Variants in AGAP1 observed in about 807,000 individuals in gnomAD.
The protein encoded by AGAP1 is arf-GAP with GTPase, ANK repeat and PH domain-containing protein 1.
A neutral mutation model predicts 105.3 loss-of-function variants in AGAP1; 29 were observed. The ratio of observed to expected loss-of-function variants is 0.28; its 90% CI spans 0.21 to 0.38. The LOEUF (loss-of-function observed/expected upper bound fraction) is 0.38, where lower values mean the gene tolerates loss of function less well. AGAP1 is among the 10% of genes least tolerant of loss of function. AGAP1 has a pLI of 1.00. For synonymous variants in AGAP1, 509 were observed against 485.9 expected (o/e 1.05, Z -0.63); for missense variants, 998 against 1,165.1 (o/e 0.86, Z 2.09).
Position 235,993,056 on chromosome 2 carries a change from C to G in AGAP1, c.1645+24433C>G, listed in dbSNP as rs2055641170. ...ACCAGTTTAAGACATGGACTTTTTT[C>G]ATATGTACATCTGAAAATGACTTTA... On this transcript the variant is annotated intron_variant, in intron 13 of 17. Transcript: ENST00000304032. The surrounding 1 kb of genome is among the most constrained non-coding windows in gnomAD (Gnocchi z 5.0). Among the ~76,000 whole-genome samples, 1 of 152,150 alleles carries G rather than the reference C, an allele frequency of 6.6e-6. No homozygotes were observed. Among genetic ancestry groups the G allele is most frequent in the Non-Finnish European group, 1.5e-5 (1 of 68,022 alleles).
chr2:235,569,851 A>G lies in AGAP1; in HGVS notation c.163+75002A>G, dbSNP rs1031106004. Among the ~76,000 whole-genome samples, 5 of 152,148 alleles carry G rather than the reference A, an allele frequency of 3.3e-5. No individual in the cohort carries two copies. Among genetic ancestry groups the G allele is most frequent in the South Asian group, 2.1e-4 (1 of 4,824 alleles). On this transcript the variant is annotated intron_variant, in intron 1 of 17. Coordinates refer to ENST00000304032, the MANE Select transcript of AGAP1 (RefSeq NM_001037131.3). The surrounding 1 kb of genome is among the most constrained non-coding windows in gnomAD (Gnocchi z 5.9). ...CAATCAGTAGCTGAAAGTGGATGCT[A>G]TTGTTTTTCCGATTGCTGGTCTCTT...
chr2:235,793,024 G>A lies in AGAP1; in HGVS notation c.674-4735G>A. Among the ~76,000 whole-genome samples, 1 of 152,172 alleles carries A rather than the reference G, an allele frequency of 6.6e-6. No homozygotes were observed. Among genetic ancestry groups the A allele is most frequent in the Non-Finnish European group, 1.5e-5 (1 of 68,032 alleles). ...GGGAGGATGAGAAAGAGAAGTTCCA[G>A]CCGGAGGAGGAAAACCAGGGACGTC... On this transcript the variant is annotated intron_variant, in intron 6 of 17. Coordinates refer to ENST00000304032, the MANE Select transcript of AGAP1 (RefSeq NM_001037131.3). This position sits in a 1 kb window ranked among gnomAD's most constrained non-coding sequence, Gnocchi z 5.3.
In AGAP1 at chr2:235,737,612, A is replaced by C. The variant is rs1240425537; in HGVS notation, c.311-3351A>C. The stretch of plus-strand genomic sequence containing the variant: ...GAACGTGACTCTGCAAAAACATGTT[A>C]GAGGAAGCAAAGGAGAGGATGGACG... On this transcript the variant is annotated intron_variant, in intron 3 of 17. Coordinates refer to ENST00000304032, the MANE Select transcript of AGAP1 (RefSeq NM_001037131.3). The surrounding 1 kb of genome is among the most constrained non-coding windows in gnomAD (Gnocchi z 4.5). Among the ~76,000 whole-genome samples the C allele has an allele frequency of 3.3e-5, 5 of 152,204 alleles. No homozygotes were observed. Among genetic ancestry groups the C allele is most frequent in the Non-Finnish European group, 7.3e-5 (5 of 68,040 alleles).
chr2:236,110,619 T>C (rs1163558149), intron 16 of AGAP1, among the ~76,000 whole-genome samples: 1 of 152,158 alleles, frequency 6.6e-6, no homozygotes, highest in East Asian at 1.9e-4. Flanking sequence ...TTGATAAGCA[T>C]TGGCTGTGAA....
In AGAP1 at chr2:235,631,090, G is replaced by A. The variant is rs141007950; in HGVS notation, c.164-78089G>A. On this transcript the variant is annotated intron_variant, in intron 1 of 17. Transcript: ENST00000304032. The surrounding 1 kb of genome is among the most constrained non-coding windows in gnomAD (Gnocchi z 5.4). ...CAGTCTAGCTCCTTCATATGCAAAT[G>A]CACTGGTAATGCCTGGATACCAGGG... Among the ~76,000 whole-genome samples the A allele has an allele frequency of 1.3e-5, 2 of 152,290 alleles. No homozygotes were observed. The highest frequency in any genetic ancestry group is 1.9e-4 in the East Asian group (1 of 5,172).
At chr2:235,969,754 A>G (rs944802010) in intron 13 of AGAP1, among the ~76,000 whole-genome samples, 2 of 152,172 alleles carry the variant, frequency 1.3e-5, no homozygotes, top group Non-Finnish European at 2.9e-5. Context: ...CACCGGAGGC[A>G]GGGAGCATCA....
chr2:235,494,838 T>A lies in AGAP1; in HGVS notation c.152T>A (p.Ile51Asn). Reference protein sequence around the residue: ...VLQNQIREHVIAIEDAFVNSQ... With the variant: ...VLQNQIREHVNAIEDAFVNSQ... The stretch of plus-strand genomic sequence containing the variant: ...CAGAACCAGATCCGGGAGCACGTCA[T>A]CGCCATCGAAGGTGAGGGCCGGGCC... Residue 51 changes from isoleucine to asparagine, a missense_variant, in exon 1 of 18, where the codon ATC becomes AAC. By Grantham distance (149) the Ile-to-Asn change is moderately radical (BLOSUM62 -3). This residue lies in a region of AGAP1 where 735 missense variants were observed against 833.4 expected (regional missense o/e 0.88). Transcript: ENST00000304032. The A allele has an allele frequency of 6.4e-7, 1 of 1,569,842 alleles. No homozygotes were observed. Among genetic ancestry groups the A allele is most frequent in the Non-Finnish European group, 8.6e-7 (1 of 1,158,136 alleles).
rs1945108254 is a variant in AGAP1 at position 235,586,250 on chromosome 2, A to G, written c.163+91401A>G. ...GCCATACGGGCATGTTATCCAGAAGAGAGGAGAGAGAAGCCCGCTGCACTC... is the reference window on the plus strand; with the variant it reads ...GCCATACGGGCATGTTATCCAGAAGGGAGGAGAGAGAAGCCCGCTGCACTC... On this transcript the variant is annotated intron_variant, in intron 1 of 17. Transcript: ENST00000304032. This position sits in a 1 kb window ranked among gnomAD's most constrained non-coding sequence, Gnocchi z 4.2. Among the ~76,000 whole-genome samples, 1 of 152,196 alleles carries G rather than the reference A, an allele frequency of 6.6e-6. No homozygotes were observed. Among genetic ancestry groups the G allele is most frequent in the African/African-American group, 2.4e-5 (1 of 41,452 alleles).
intron 1 of AGAP1, among the ~76,000 whole-genome samples, chr2:235,590,775 C>CAGTGGT (rs567971820): frequency 7.9e-6 from 1 of 126,280 alleles, no homozygotes; most frequent in African/African-American, 3.1e-5. Context: ...GGCTGGAGTG[C>CAGTGGT]AGTGGTGTGA....
chr2:235,679,012 C>T (rs192542084), intron 1 of AGAP1, among the ~76,000 whole-genome samples: 9 of 152,254 alleles, frequency 5.9e-5, no homozygotes, highest in African/African-American at 2.2e-4. Context: ...AGCCTTGACT[C>T]GAAAACTGAT....
rs1408033719 is a variant in AGAP1 at position 236,087,152 on chromosome 2, G to A, written c.2115-33040G>A. 1.3e-5 allele frequency among the ~76,000 whole-genome samples: 2 copies of A among 152,182 alleles called. No homozygotes were observed. Among genetic ancestry groups the A allele is most frequent in the African/African-American group, 4.8e-5 (2 of 41,446 alleles). On this transcript the variant is annotated intron_variant, in intron 16 of 17. Transcript: ENST00000304032. The surrounding 1 kb of genome is among the most constrained non-coding windows in gnomAD (Gnocchi z 5.7). ...AGCTGAAAAGGAAGAAGGCCCATTT[G>A]CTTCTGGGAATCCAATAAATTGTTT...
chr2:235,671,086 C>A (rs1326583104), intron 1 of AGAP1: 28 of 1,257,914 alleles, frequency 2.2e-5, no homozygotes, highest in African/African-American at 4.7e-5. Flanking sequence ...GGTCCCGGGA[C>A]GGGAAGGGGC....
intron 4 of AGAP1, among the ~76,000 whole-genome samples, chr2:235,742,706 C>G (rs1952663020): frequency 6.6e-6 from 1 of 152,168 alleles, no homozygotes; most frequent in South Asian, 2.1e-4. Flanking sequence ...CCTCCTGTGG[C>G]TGGTGATAGG....
chr2:235,946,344 G>T (rs1430202643), intron 12 of AGAP1, among the ~76,000 whole-genome samples: 2 of 145,790 alleles, frequency 1.4e-5, no homozygotes, highest in East Asian at 4.0e-4. Context: ...GGGGTGCAGT[G>T]GTGTGATCTC....
chr2:235,648,067 C>T (rs562285021), intron 1 of AGAP1, among the ~76,000 whole-genome samples: 1 of 152,330 alleles, frequency 6.6e-6, no homozygotes, highest in South Asian at 2.1e-4. Context: ...ACAAGCCAGG[C>T]AGCTGTAGGC....
chr2:235,607,551 G>A (rs945774774), intron 1 of AGAP1, among the ~76,000 whole-genome samples: 2 of 152,222 alleles, frequency 1.3e-5, no homozygotes, highest in African/African-American at 4.8e-5. Flanking sequence ...ACTGTCAGAG[G>A]ATGGAGATTG....
At position 235,714,496 on chromosome 2, in the gene AGAP1, C is replaced by CT; in HGVS notation, c.223-3060dup. 6.6e-6 allele frequency among the ~76,000 whole-genome samples: 1 copy of CT among 151,850 alleles called. No individual in the cohort carries two copies. The highest frequency in any genetic ancestry group is 1.9e-4 in the East Asian group (1 of 5,142). On this transcript the variant is annotated intron_variant, in intron 2 of 17. Transcript: ENST00000304032. The surrounding 1 kb of genome is among the most constrained non-coding windows in gnomAD (Gnocchi z 4.1). Reference sequence around the variant, plus strand: ...TTTAGTTGCCTGGAGACAGCAAGGCCTGTTAGGATGGGGCTTGGTAGCTGA... The same window carrying CT: ...TTTAGTTGCCTGGAGACAGCAAGGCCTTGTTAGGATGGGGCTTGGTAGCTGA...
In AGAP1 at chr2:235,963,663, G is replaced by A. The variant is rs529944419; in HGVS notation, c.1484-4799G>A. ...GTCACTCTTAGAATCTTCCAGGAGC[G>A]GATGGTGCATGTTAAGGTGGGAAGC... On this transcript the variant is annotated intron_variant, in intron 12 of 17. Transcript: ENST00000304032. The surrounding 1 kb of genome is among the most constrained non-coding windows in gnomAD (Gnocchi z 5.1). 2.6e-5 allele frequency among the ~76,000 whole-genome samples: 4 copies of A among 152,206 alleles called. No homozygotes were observed. The highest frequency in any genetic ancestry group is 2.1e-4 in the South Asian group (1 of 4,818).
chr2:235,974,406 C>G (rs2054774743), intron 13 of AGAP1, among the ~76,000 whole-genome samples: 2 of 152,190 alleles, frequency 1.3e-5, no homozygotes, highest in Admixed American at 1.3e-4. Flanking sequence ...TTTAAAAATG[C>G]AGGACCAGAC....
Sources: gnomAD v4.1 joint callset for allele counts (sites outside exome capture counted in the v4.1 genomes callset) on GRCh38, gnomAD v4.1.1 for gene constraint, gnomAD v4.1.1 regional missense constraint, Gnocchi (gnomAD v3.1) non-coding constraint, MANE v1.5 for transcripts, NCBI Gene and HGNC (gene_info 2026-07-23, HGNC 2026-07-21) for gene names.